DENND5A: variants seen among roughly 807,000 people sequenced by gnomAD.
DENND5A encodes the protein DENN domain containing 5A, also known as DENN domain-containing protein 5A.
A neutral mutation model predicts 140.3 loss-of-function variants in DENND5A; 64 were observed. The observed-to-expected ratio is 0.46, with a 90% confidence interval of 0.37 to 0.56. The LOEUF (loss-of-function observed/expected upper bound fraction) is 0.56, where lower values mean the gene tolerates loss of function less well. Among genes scored for constraint, DENND5A ranks in the 20% least tolerant of loss-of-function variants. The pLI, the probability that DENND5A is intolerant of heterozygous loss-of-function variation, is 0.00. For synonymous variants in DENND5A, 605 were observed against 607.7 expected (o/e 1.00, Z 0.07); for missense variants, 1,292 against 1,593.8 (o/e 0.81, Z 3.22).
intron 12 of DENND5A, among the ~76,000 whole-genome samples, chr11:9,153,977 C>A (rs1467291439): frequency 6.6e-6 from 1 of 152,154 alleles, no homozygotes; most frequent in Non-Finnish European, 1.5e-5. Context: ...ACATCATAAC[C>A]CTTGTTAAGT....
intron 15 of DENND5A, among the ~76,000 whole-genome samples, chr11:9,147,837 C>T (rs1847484715): frequency 6.6e-6 from 1 of 152,162 alleles, no homozygotes; most frequent in Admixed American, 6.5e-5. Context: ...GATATCTTCC[C>T]CCAAATAGAG....
At position 9,251,043 on chromosome 11, in the gene DENND5A, G is replaced by A. The variant is rs181783542; in HGVS notation, c.109+13918C>T. Among the ~76,000 whole-genome samples the A allele has an allele frequency of 3.3e-3, 504 of 151,366 alleles. 1 individual carries two copies. Among genetic ancestry groups the A allele is most frequent in the Non-Finnish European group, 5.1e-3 (349 of 67,954 alleles). ...CCAGCTACTTGGGAGGCTGAGGCAG[G>A]AGAATCGCTTGAACCCAGGAGGCAG... On this transcript the variant is annotated intron_variant, in intron 1 of 22. Transcript: ENST00000328194.
intron 15 of DENND5A, 36 bp downstream of exon 15, chr11:9,150,045 G>T: frequency 6.3e-7 from 1 of 1,587,050 alleles, no homozygotes; most frequent in South Asian, 1.2e-5. Context: ...CTCCATTCCT[G>T]GGAGCCTGCT....
intron 1 of DENND5A, among the ~76,000 whole-genome samples, chr11:9,235,776 C>A (rs538952883): frequency 2.0e-5 from 3 of 152,154 alleles, no homozygotes; most frequent in Non-Finnish European, 4.4e-5. Context: ...ATAGGTAAAT[C>A]CAGAGAGAGA....
In DENND5A at chr11:9,264,997, C is replaced by T. The variant is rs1852381530; in HGVS notation, c.73G>A (p.Asp25Asn). The T allele has an allele frequency of 1.9e-6, 3 of 1,589,574 alleles. No homozygotes were observed. Among genetic ancestry groups the T allele is most frequent in the African/African-American group, 2.7e-5 (2 of 72,876 alleles). The change falls in exon 1 of 23, where the codon GAC becomes AAC. Residue 25 changes from aspartate (D) to asparagine (N), a missense_variant. Coordinates refer to ENST00000328194, the MANE Select transcript of DENND5A (RefSeq NM_015213.4). ...TCCGGCTCCAGCCCGGTCTCCGTGT[C>T]CAGTCCGCAGATGACAAAGTAGTCG... ...FADYFVICGL[D>N]TETGLEPDEL... is the part of the protein sequence containing the mutation.
intron 1 of DENND5A, among the ~76,000 whole-genome samples, chr11:9,262,956 T>A (rs1852270930): frequency 6.6e-6 from 1 of 151,932 alleles, no homozygotes; most frequent in African/African-American, 2.4e-5. Context: ...TAAGCCCGGA[T>A]GGTCTCGATC....
In DENND5A at chr11:9,178,718, T is replaced by A. The variant is rs184182346; in HGVS notation, c.1671+140A>T. 5.8e-5 allele frequency: 41 copies of A among 705,568 alleles called. No homozygotes were observed. In the East Asian group the frequency reaches 9.2e-4, roughly 16 times the overall value. 43.7% of individuals were successfully genotyped at this position (705,568 alleles called of 1,614,324 possible). Reference sequence around the variant, plus strand: ...TTCATAAGCAACAAGACCTATTTTATCAACATCAAATGGACCATAAACTTG... The same window carrying A: ...TTCATAAGCAACAAGACCTATTTTAACAACATCAAATGGACCATAAACTTG... On this transcript the variant is annotated intron_variant, in intron 7 of 22. Transcript: ENST00000328194.
rs1361924995 is a variant in DENND5A, at chr11:9,243,098, AAAAAAAC to A, written c.109+21856_109+21862del. ...GCGAGACTCTGTCTCAAAAAAAAAA[AAAAAAAC>A]AAAAAAAAAAACTGAGGCGAGTAAG... On this transcript the variant is annotated intron_variant, in intron 1 of 22. Transcript: ENST00000328194. Among the ~76,000 whole-genome samples, 216 of 138,488 alleles carry A rather than the reference AAAAAAAC, an allele frequency of 1.6e-3. 1 individual carries two copies. Among genetic ancestry groups the A allele is most frequent in the African/African-American group, 6.7e-3 (206 of 30,932 alleles). The allele number at this position is 138,488 out of a possible 152,430, so 90.9% of individuals were successfully genotyped here.
intron 5 of DENND5A, among the ~76,000 whole-genome samples, chr11:9,190,437 A>T (rs1849079576): frequency 6.6e-6 from 1 of 152,166 alleles, no homozygotes; most frequent in South Asian, 2.1e-4. Flanking sequence ...TTCTCGTGAT[A>T]GTGAATAAGT....
chr11:9,160,732 T>C lies in DENND5A; in HGVS notation c.2417A>G (p.His806Arg). Reference protein sequence around the residue: ...LCDLLERIWSHGLQVKQGKSA... With the variant: ...LCDLLERIWSRGLQVKQGKSA... ...CATTACCTGTTTCACTTGTAGTCCA[T>C]GACTCCAGATCCTTTCCAGGAGATC... Residue 806 changes from histidine to arginine, a missense_variant, in exon 12 of 23, where the codon CAT (histidine) becomes CGT (arginine). By Grantham distance (29) the His-to-Arg change is conservative. Around this residue, in one of 4 missense-constraint regions of DENND5A, gnomAD observed 498 missense variants for 689.7 expected, o/e 0.72. Transcript: ENST00000328194. 1 of 1,613,076 alleles carries C rather than the reference T, an allele frequency of 6.2e-7. No homozygotes were observed. The highest frequency in any genetic ancestry group is 8.5e-7 in the Non-Finnish European group (1 of 1,179,178).
At chr11:9,249,214 C>A (rs984401447) in intron 1 of DENND5A, among the ~76,000 whole-genome samples, 1 of 151,032 alleles carries the variant, frequency 6.6e-6, no homozygotes, top group East Asian at 1.9e-4. Flanking sequence ...GGAGACAGAG[C>A]GAGACTCCGA....
At chr11:9,166,080 T>C (rs1428180244) in intron 10 of DENND5A, 113 bp from the exon 11 acceptor site, 14 of 1,034,794 alleles carry the variant, frequency 1.4e-5, no homozygotes, top group Non-Finnish European at 2.0e-5. Flanking sequence ...TCTTTTTTTT[T>C]CTTTTTCTTT....
At chr11:9,258,850 T>C (rs574927839) in intron 1 of DENND5A, among the ~76,000 whole-genome samples, 63 of 152,298 alleles carry the variant, frequency 4.1e-4, no homozygotes, top group African/African-American at 1.5e-3. Flanking sequence ...TTCGATAATT[T>C]TGAAGTTCGA....
intron 8 of DENND5A, chr11:9,172,250 A>T (rs1848396128): frequency 6.6e-6 from 1 of 152,222 alleles, no homozygotes; most frequent in African/African-American, 2.4e-5. Flanking sequence ...AAGCACAATG[A>T]GCTGCAAGCA....
intron 1 of DENND5A, among the ~76,000 whole-genome samples, chr11:9,224,856 CA>C (rs1003433174): frequency 0.017 from 1,598 of 93,960 alleles, 13 homozygotes; most frequent in African/African-American, 0.042. Flanking sequence ...AGACTCCATC[CA>C]AAAAAAAAAA....
At chr11:9,161,908 G>T (rs12291375) in intron 11 of DENND5A, among the ~76,000 whole-genome samples, 70,063 of 150,778 alleles carry the variant, frequency 0.46, 17,510 homozygotes, top group African/African-American at 0.64. Context: ...AAATCTATAC[G>T]TAATATAGCA....
rs1016209461 is a variant in DENND5A, at chr11:9,265,316, C to G, written c.-247G>C. On this transcript the variant is annotated 5_prime_UTR_variant, in exon 1 of 23. Transcript: ENST00000328194. The surrounding 1 kb of genome is among the most constrained non-coding windows in gnomAD (Gnocchi z 4.7). The stretch of plus-strand genomic sequence containing the variant: ...TCCGCGCCGCCGCCGCTGCAGCTAG[C>G]CGAGAGCGCCGCGGCCCGAGCGAGC... 5 of 259,634 alleles carry G rather than the reference C, an allele frequency of 1.9e-5. No individual in the cohort carries two copies. Among genetic ancestry groups the G allele is most frequent in the Non-Finnish European group, 3.6e-5 (5 of 137,074 alleles). 16.1% of individuals were successfully genotyped at this position (259,634 alleles called of 1,614,324 possible).
intron 1 of DENND5A, among the ~76,000 whole-genome samples, chr11:9,235,384 C>T (rs1336587962): frequency 6.6e-6 from 1 of 152,126 alleles, no homozygotes; most frequent in Admixed American, 6.6e-5. Context: ...CTAGGCTGGG[C>T]GGGGTGGCTC....
intron 1 of DENND5A, among the ~76,000 whole-genome samples, chr11:9,227,397 C>A (rs1023599077): frequency 2.6e-5 from 4 of 152,042 alleles, no homozygotes; most frequent in African/African-American, 4.8e-5. Context: ...TGGAAACATA[C>A]AAATTTATAA....
Sources: gnomAD v4.1 joint callset for allele counts (sites outside exome capture counted in the v4.1 genomes callset) on GRCh38, gnomAD v4.1.1 for gene constraint, gnomAD v4.1.1 regional missense constraint, Gnocchi (gnomAD v3.1) non-coding constraint, MANE v1.5 for transcripts, NCBI Gene and HGNC (gene_info 2026-07-23, HGNC 2026-07-21) for gene names.